SLC14A2: variants seen among roughly 807,000 people sequenced by gnomAD.
SLC14A2 encodes urea transporter 2.
In SLC14A2, 91 loss-of-function variants were observed where a neutral mutation model predicts 104.6. That is an observed-to-expected ratio of 0.87 (90% CI 0.73 to 1.04). SLC14A2 has a LOEUF of 1.04. SLC14A2 is among the 50% of genes least tolerant of loss of function. The pLI is 0.00. For missense variants in SLC14A2, 1,189 were observed against 1,156.0 expected (o/e 1.03, Z -0.41); for synonymous variants, 476 against 466.4 (o/e 1.02, Z -0.27).
rs1229321026 is a variant in SLC14A2, at chr18:45,643,161, A to T, written c.1156A>T (p.Ile386Phe). ...ALFCAYMEAA[I>F]SNIMSVVGVP... is the part of the protein sequence containing the mutation. ...GTTCTGTGCATACATGGAAGCAGCCATCTCCAACATCATGTCAGTGGTAAG... is the reference window on the plus strand; with the variant it reads ...GTTCTGTGCATACATGGAAGCAGCCTTCTCCAACATCATGTCAGTGGTAAG... Residue 386 changes from isoleucine (I) to phenylalanine (F), a missense_variant, in exon 9 of 20, where the codon ATC becomes TTC. Ile to Phe is a conservative substitution (Grantham distance 21, BLOSUM62 0). Transcript: ENST00000255226. 5.0e-6 allele frequency: 8 copies of T among 1,614,050 alleles called. No individual in the cohort carries two copies. The South Asian group carries it at 6.6e-5, about 13-fold the overall frequency.
intron 2 of SLC14A2, among the ~76,000 whole-genome samples, chr18:45,607,897 T>C (rs997414615): frequency 6.6e-6 from 1 of 152,196 alleles, no homozygotes; most frequent in Non-Finnish European, 1.5e-5. Flanking sequence ...ATAAGGTTGC[T>C]TGTGTGTTGT....
intron 2 of SLC14A2, among the ~76,000 whole-genome samples, chr18:45,558,888 T>C (rs996682330): frequency 2.0e-5 from 3 of 152,152 alleles, no homozygotes; most frequent in Admixed American, 6.5e-5. Flanking sequence ...CCTCCTGGGT[T>C]CAATCGATTC....
At chr18:45,282,351 T>A (rs1029353389) in intron 1 of SLC14A2, among the ~76,000 whole-genome samples, 1 of 152,144 alleles carries the variant, frequency 6.6e-6, no homozygotes, top group East Asian at 1.9e-4. Context: ...TTCTCTGGAT[T>A]GTTTTTCTCA....
intron 18 of SLC14A2, among the ~76,000 whole-genome samples, chr18:45,674,566 ACT>A (rs1200167548): frequency 6.6e-6 from 1 of 152,036 alleles, no homozygotes; most frequent in Non-Finnish European, 1.5e-5. Context: ...TCTTAAAATT[ACT>A]TTTTGCTACA....
Position 45,343,655 on chromosome 18 carries a change from A to G in SLC14A2, c.-125+130464A>G, listed in dbSNP as rs536883032. Among the ~76,000 whole-genome samples the G allele has an allele frequency of 1.8e-3, 267 of 152,312 alleles. 2 individuals are homozygous for G. The highest frequency in any genetic ancestry group is 2.6e-3 in the Non-Finnish European group (178 of 68,040). Reference sequence around the variant, plus strand: ...GATAGCAATATCTGATAAAAATAAAATGCTATGATTTAATTTTGGCTGAAA... The same window carrying G: ...GATAGCAATATCTGATAAAAATAAAGTGCTATGATTTAATTTTGGCTGAAA... On this transcript the variant is annotated intron_variant, in intron 1 of 20. Coordinates refer to the SLC14A2 transcript ENST00000586448.
At chr18:45,433,924 C>T (rs1247069137) in intron 1 of SLC14A2, among the ~76,000 whole-genome samples, 3 of 152,172 alleles carry the variant, frequency 2.0e-5, no homozygotes, top group Non-Finnish European at 4.4e-5. Flanking sequence ...CAGTGTTAGT[C>T]TGGTCAACTT....
intron 1 of SLC14A2, among the ~76,000 whole-genome samples, chr18:45,469,352 C>G (rs908007849): frequency 6.6e-6 from 1 of 152,226 alleles, no homozygotes; most frequent in African/African-American, 2.4e-5. Context: ...GCTGATTGAC[C>G]AAGTGTTACT....
chr18:45,321,332 C>T (rs995209010), intron 1 of SLC14A2, among the ~76,000 whole-genome samples: 14 of 152,172 alleles, frequency 9.2e-5, no homozygotes, highest in Admixed American at 1.3e-4. Context: ...TATTGTCATA[C>T]GATTTTATGA....
Position 45,414,753 on chromosome 18 carries a change from AAAAAATATATATATATATAT to A in SLC14A2, c.-124-68478_-124-68459del, listed in dbSNP as rs1264706033. ...TGCAAGGCACCGAGCGTAAAAAAAA[AAAAAATATATATATATATAT>A]ATATATATATATATATATATATAGA... On this transcript the variant is annotated intron_variant, in intron 1 of 20. Transcript: ENST00000586448. Among the ~76,000 whole-genome samples the A allele has an allele frequency of 8.0e-4, 51 of 64,010 alleles. 2 individuals are homozygous for A. The highest frequency in any genetic ancestry group is 1.2e-3 in the Non-Finnish European group (42 of 35,466). The allele number at this position is 64,010 out of a possible 152,430, so 42.0% of individuals were successfully genotyped here. A position where few individuals can be genotyped will look rare whatever the true frequency, so the allele number is the denominator to read the frequency against.
intron 2 of SLC14A2, among the ~76,000 whole-genome samples, chr18:45,522,131 A>C (rs1195855524): frequency 6.6e-6 from 1 of 152,218 alleles, no homozygotes; most frequent in Non-Finnish European, 1.5e-5. Context: ...GGAGATCACC[A>C]TCCTTCACGT....
chr18:45,475,642 GATAT>G (rs137928157), intron 1 of SLC14A2, among the ~76,000 whole-genome samples: 832 of 48,934 alleles, frequency 0.017, 9 homozygotes, highest in Middle Eastern at 0.079. Flanking sequence ...ATATATTTAG[GATAT>G]ATATATATAT....
At chr18:45,231,724 G>A (rs2084176635) in intron 1 of SLC14A2, among the ~76,000 whole-genome samples, 1 of 152,168 alleles carries the variant, frequency 6.6e-6, no homozygotes, top group African/African-American at 2.4e-5. Flanking sequence ...GCAAGTGAGG[G>A]GCATGTTTGG....
In SLC14A2 at chr18:45,625,535, A is replaced by G. The variant is rs916294567; in HGVS notation, c.151-148A>G. ...AGAACAGGCTTGTACGGGGCACTCT[A>G]TGCAGCCGCAGACAATGGGCATGTG... On this transcript the variant is annotated intron_variant, in intron 2 of 19. Coordinates refer to ENST00000255226, the MANE Select transcript of SLC14A2 (RefSeq NM_007163.4). 14 of 558,490 alleles carry G rather than the reference A, an allele frequency of 2.5e-5. No homozygotes were observed. The African/African-American group carries it at 2.6e-4, about 10-fold the overall frequency. The allele number at this position is 558,490 out of a possible 1,614,324, so 34.6% of individuals were successfully genotyped here. A position where few individuals can be genotyped will look rare whatever the true frequency, so the allele number is the denominator to read the frequency against.
rs141429550 is a variant in SLC14A2 at position 45,682,456 on chromosome 18, G to A, written c.2700G>A (p.Leu900=). The change falls in exon 20 of 20, where the codon CTG becomes CTA. Residue 900 remains leucine, a synonymous_variant. Coordinates refer to ENST00000255226, the MANE Select transcript of SLC14A2 (RefSeq NM_007163.4). ...TYPEANRIYY[L]SQERNRRASI... is the part of the protein sequence containing the mutation. ...CAGAGGCCAACCGCATCTACTACCT[G>A]TCCCAGGAGAGAAACAGAAGGGCAT... is the stretch of plus-strand genomic sequence containing the variant. The A allele has an allele frequency of 5.9e-5, 95 of 1,614,120 alleles. No individual in the cohort carries two copies. The African/African-American group carries it at 1.2e-3, about 20-fold the overall frequency.
chr18:45,484,913 G>C (rs528388295), intron 2 of SLC14A2, among the ~76,000 whole-genome samples: 15 of 152,282 alleles, frequency 9.9e-5, no homozygotes, highest in Non-Finnish European at 2.1e-4. Flanking sequence ...GGCTTTTCCA[G>C]CAAGTAGCCA....
chr18:45,199,615 A>G, the SLC14A2 span, among the ~76,000 whole-genome samples: 1 of 152,126 alleles, frequency 6.6e-6, no homozygotes, highest in African/African-American at 2.4e-5. Context: ...ATTTCCTTGA[A>G]TAGGAACCTC....
At position 45,501,899 on chromosome 18, in the gene SLC14A2, A is replaced by T. The variant is rs542372494; in HGVS notation, c.-35+18577A>T. Among the ~76,000 whole-genome samples the T allele has an allele frequency of 7.9e-4, 120 of 152,284 alleles. 1 individual carries two copies. The highest frequency in any genetic ancestry group is 2.1e-3 in the Admixed American group (32 of 15,302). The stretch of plus-strand genomic sequence containing the variant: ...AGAACATCATGGGACATGAGCTCCA[A>T]CCCTGATTTCTTCCTCTTATCCTTG... On this transcript the variant is annotated intron_variant, in intron 2 of 20. Coordinates refer to the SLC14A2 transcript ENST00000586448.
At chr18:45,430,203 T>C (rs995753947) in intron 1 of SLC14A2, among the ~76,000 whole-genome samples, 3 of 152,238 alleles carry the variant, frequency 2.0e-5, no homozygotes, top group African/African-American at 7.2e-5. Flanking sequence ...GGGAAAATAA[T>C]CTTTGAGAGT....
intron 1 of SLC14A2, among the ~76,000 whole-genome samples, chr18:45,245,926 T>C (rs576376939): frequency 6.6e-6 from 1 of 152,364 alleles, no homozygotes; most frequent in East Asian, 1.9e-4. Flanking sequence ...TGTTTTGCTC[T>C]TTTAAAAGAT....
Sources: allele counts gnomAD v4.1 joint callset (sites outside exome capture counted in the v4.1 genomes callset), GRCh38; gene constraint gnomAD v4.1.1; transcripts MANE v1.5; gene names NCBI Gene and HGNC (gene_info 2026-07-23, HGNC 2026-07-21).